The following PRR36 variants were observed in gnomAD, a reference collection of about 807,000 sequenced individuals.
PRR36 encodes the protein proline-rich protein 36.
In PRR36, 30 loss-of-function variants were observed where a neutral mutation model predicts 58.6. That is an observed-to-expected ratio of 0.51 (90% confidence interval 0.38 to 0.69). PRR36 has a LOEUF of 0.69. Ranked by LOEUF, PRR36 falls within the 30% of genes least tolerant of loss-of-function variation. The pLI, the probability that PRR36 is intolerant of heterozygous loss-of-function variation, is 0.00. For synonymous variants in PRR36, 771 were observed against 829.3 expected (o/e 0.93, Z 1.21); for missense variants, 1,692 against 1,805.6 (o/e 0.94, Z 1.14).
In PRR36 at chr19:7,869,993, C is replaced by T; in HGVS notation, c.3251G>A (p.Gly1084Asp). 1 of 1,403,514 alleles carries T rather than the reference C, an allele frequency of 7.1e-7. No individual in the cohort carries two copies. The highest frequency in any genetic ancestry group is 9.2e-7 in the Non-Finnish European group (1 of 1,085,642). The allele number at this position is 1,403,514 out of a possible 1,614,324, so 86.9% of individuals were successfully genotyped here. Reference protein sequence around the residue: ...LQAPRRPPTPGPDTSVSGPRL... With the variant: ...LQAPRRPPTPDPDTSVSGPRL... ...TGGGCCCGAGACGGAGGTATCCGGA[C>T]CCGGGGTCGGGGGGCGGCGTGGGGC... The change falls in exon 5 of 6, where the codon GGT becomes GAT. Residue 1084 changes from glycine to aspartate, a missense_variant. Gly to Asp is a moderately conservative substitution (Grantham distance 94, BLOSUM62 -1). Around this residue, in one of 5 missense-constraint regions of PRR36, gnomAD observed 485 missense variants for 549.2 expected, o/e 0.88. Transcript: ENST00000618550.
chr19:7,869,372 C>G lies in PRR36; in HGVS notation c.3702G>C (p.Ala1234=). 1 of 1,436,022 alleles carries G rather than the reference C, an allele frequency of 7.0e-7. No individual in the cohort carries two copies. Among genetic ancestry groups the G allele is most frequent in the Non-Finnish European group, 9.0e-7 (1 of 1,105,818 alleles). The allele number at this position is 1,436,022 out of a possible 1,614,324, so 89.0% of individuals were successfully genotyped here. A position where few individuals can be genotyped will look rare whatever the true frequency, so the allele number is the denominator to read the frequency against. ...GKAAAGAGAG[A]SSRSPKQARL... Reference sequence around the variant, plus strand: ...GCGCCTGCTTCGGGCTCCGCGAGGACGCCCCGGCCCCGGCCCCAGCCGCCG... The same window carrying G: ...GCGCCTGCTTCGGGCTCCGCGAGGAGGCCCCGGCCCCGGCCCCAGCCGCCG... Residue 1234 remains alanine (A), a synonymous_variant, in exon 6 of 6, where the codon GCG becomes GCC. Coordinates refer to ENST00000618550, the MANE Select transcript of PRR36 (RefSeq NM_001190467.2).
rs1383170564 is a variant in PRR36 at position 7,869,364 on chromosome 19, C to T, written c.3710G>A (p.Arg1237Gln). Residue 1237 changes from arginine to glutamine, a missense_variant, in exon 6 of 6, where the codon CGG (arginine) becomes CAG (glutamine). By Grantham distance (43) the Arg-to-Gln change is conservative (BLOSUM62 1). Around this residue, in one of 5 missense-constraint regions of PRR36, gnomAD observed 485 missense variants for 549.2 expected, o/e 0.88. Transcript: ENST00000618550. The part of the protein sequence containing the change: ...AAGAGAGASS[R>Q]SPKQARLGEL... ...GCCCAGGCGCGCCTGCTTCGGGCTC[C>T]GCGAGGACGCCCCGGCCCCGGCCCC... The T allele has an allele frequency of 1.4e-6, 2 of 1,436,044 alleles. No homozygotes were observed. Among genetic ancestry groups the T allele is most frequent in the African/African-American group, 3.0e-5 (2 of 66,826 alleles). 89.0% of individuals were successfully genotyped at this position (1,436,044 alleles called of 1,614,324 possible).
rs1980539478 is a variant in PRR36, at chr19:7,873,045, G to A, written c.375-84C>T. ...ATTTTCCCATCTGTGAAATGGGCATGTGCCCTCTCTGAGGACCAATAATGG... is the reference window on the plus strand; with the variant it reads ...ATTTTCCCATCTGTGAAATGGGCATATGCCCTCTCTGAGGACCAATAATGG... On this transcript the variant is annotated intron_variant, in intron 3 of 5. Transcript: ENST00000618550. This position sits in a 1 kb window ranked among gnomAD's most constrained non-coding sequence, Gnocchi z 5.0. 3 of 1,358,290 alleles carry A rather than the reference G, an allele frequency of 2.2e-6. No homozygotes were observed. Among genetic ancestry groups the A allele is most frequent in the Non-Finnish European group, 3.0e-6 (3 of 990,626 alleles). 84.1% of individuals were successfully genotyped at this position (1,358,290 alleles called of 1,614,324 possible).
In PRR36 at chr19:7,869,123, G is replaced by A; in HGVS notation, c.3951C>T (p.Ala1317=). ...AGAAGCTGGTGACCGAGGTGATGCT[G>A]GCACGGGACTCGTCCAGGGGAGACA... is the stretch of plus-strand genomic sequence containing the variant. ...ELLSPLDESR[A]SITSVTSFSP... is the part of the protein sequence containing the mutation. Residue 1317 remains alanine (A), a synonymous_variant, in exon 6 of 6, where the codon GCC becomes GCT. Transcript: ENST00000618550. 1 of 1,535,236 alleles carries A rather than the reference G, an allele frequency of 6.5e-7. No individual in the cohort carries two copies. The highest frequency in any genetic ancestry group is 8.7e-7 in the Non-Finnish European group (1 of 1,146,600).
chr19:7,871,271 G>T lies in PRR36; in HGVS notation c.1973C>A (p.Ala658Asp), dbSNP rs749819549. The change falls in exon 5 of 6, where the codon GCC (alanine) becomes GAC (aspartate). Residue 658 changes from alanine to aspartate, a missense_variant. Coordinates refer to ENST00000618550, the MANE Select transcript of PRR36 (RefSeq NM_001190467.2). The part of the protein sequence containing the change: ...STPPDSPPLQ[A>D]PLSLPASPPL... ...GGGTGAGGCAGGAAGGGAAAGAGGG[G>T]CCTGCAGAGGGGGTGAATCAGGGGG... The T allele has an allele frequency of 2.6e-6, 4 of 1,523,738 alleles. No individual in the cohort carries two copies. In the South Asian group the frequency reaches 3.6e-5, roughly 14 times the overall value. The allele number at this position is 1,523,738 out of a possible 1,614,324, so 94.4% of individuals were successfully genotyped here.
In PRR36 at chr19:7,871,762, C is replaced by G. The variant is rs1599589835; in HGVS notation, c.1482G>C (p.Thr494=). Residue 494 remains threonine (T), a synonymous_variant, in exon 5 of 6, where the codon ACG becomes ACC. Coordinates refer to ENST00000618550, the MANE Select transcript of PRR36 (RefSeq NM_001190467.2). ...LPQPGLSALT[T]PPPQASPSPS... is the part of the protein sequence containing the mutation. ...GGGAAGGACTGGCCTGCGGAGGGGG[C>G]GTGGTCAGAGCAGAAAGGCCTGGCT... is the stretch of plus-strand genomic sequence containing the variant. The G allele has an allele frequency of 6.5e-7, 1 of 1,535,238 alleles. No homozygotes were observed. Among genetic ancestry groups the G allele is most frequent in the Non-Finnish European group, 8.7e-7 (1 of 1,146,708 alleles).
In PRR36 at chr19:7,872,350, C is replaced by G. The variant is rs1347942660; in HGVS notation, c.894G>C (p.Pro298=). ...PRKDAAPALG[P]LSSSPLATPS... ...GTGTGGCCAAAGGAGAGGAAGAAAG[C>G]GGTCCTAGTGCTGGGGCTGCGTCCT... Residue 298 remains proline, a synonymous_variant, in exon 5 of 6, where the codon CCG becomes CCC. Transcript: ENST00000618550. The surrounding 1 kb of genome is among the most constrained non-coding windows in gnomAD (Gnocchi z 6.1). 2 of 1,451,564 alleles carry G rather than the reference C, an allele frequency of 1.4e-6. No homozygotes were observed. The highest frequency in any genetic ancestry group is 1.8e-6 in the Non-Finnish European group (2 of 1,108,074). 89.9% of individuals were successfully genotyped at this position (1,451,564 alleles called of 1,614,324 possible).
Position 7,871,443 on chromosome 19 carries a change from C to A in PRR36, c.1801G>T (p.Ala601Ser). Reference sequence around the variant, plus strand: ...GACAAAGCCAGAGGAGAGGGAGGTGCCTGCAGAGACGGTGAGGTCAGAGAA... The same window carrying A: ...GACAAAGCCAGAGGAGAGGGAGGTGACTGCAGAGACGGTGAGGTCAGAGAA... ...PHSLTSPSLQAPPSPLALSSL... is the reference protein window; with the variant it reads ...PHSLTSPSLQSPPSPLALSSL... The change falls in exon 5 of 6, where the codon GCA becomes TCA. Residue 601 changes from alanine (A) to serine (S), a missense_variant. Physicochemically the swap from Ala to Ser is moderately conservative, Grantham distance 99 (BLOSUM62 1). Around this residue, in one of 5 missense-constraint regions of PRR36, gnomAD observed 975 missense variants for 955.2 expected, o/e 1.02. Coordinates refer to ENST00000618550, the MANE Select transcript of PRR36 (RefSeq NM_001190467.2). The A allele has an allele frequency of 2.0e-6, 3 of 1,535,158 alleles. No individual in the cohort carries two copies. Among genetic ancestry groups the A allele is most frequent in the Non-Finnish European group, 2.6e-6 (3 of 1,146,688 alleles).
chr19:7,873,760 A>G lies in PRR36; in HGVS notation c.-7-64T>C. The G allele has an allele frequency of 6.9e-7, 1 of 1,441,574 alleles. No individual in the cohort carries two copies. The highest frequency in any genetic ancestry group is 9.2e-7 in the Non-Finnish European group (1 of 1,081,512). 89.3% of individuals were successfully genotyped at this position (1,441,574 alleles called of 1,614,324 possible). On this transcript the variant is annotated intron_variant, in intron 1 of 5. Coordinates refer to ENST00000618550, the MANE Select transcript of PRR36 (RefSeq NM_001190467.2). The surrounding 1 kb of genome is among the most constrained non-coding windows in gnomAD (Gnocchi z 5.0). ...AGCTACGCCGCCTCCAGAGACCTGG[A>G]CCCTGCTACCTCACTGCCCTTTCGC...
Position 7,873,281 on chromosome 19 carries a change from G to A in PRR36, c.290C>T (p.Ser97Phe). 1 of 1,535,550 alleles carries A rather than the reference G, an allele frequency of 6.5e-7. No individual in the cohort carries two copies. Among genetic ancestry groups the A allele is most frequent in the Non-Finnish European group, 8.7e-7 (1 of 1,146,664 alleles). Residue 97 changes from serine (S) to phenylalanine (F), a missense_variant, in exon 3 of 6, where the codon TCT (serine) becomes TTT (phenylalanine). Coordinates refer to ENST00000618550, the MANE Select transcript of PRR36 (RefSeq NM_001190467.2). The surrounding 1 kb of genome is among the most constrained non-coding windows in gnomAD (Gnocchi z 5.0). The part of the protein sequence containing the change: ...SRNPASRPPA[S>F]GRGERAPPAK... The stretch of plus-strand genomic sequence containing the variant: ...AGGAGGAGCTCTCTCCCCTCTCCCA[G>A]AGGCTGGGGGCCTGGAGGCTGCGGG...
rs951112151 is a variant in PRR36 at position 7,871,141 on chromosome 19, T to G, written c.2103A>C (p.Ala701=). The change falls in exon 5 of 6, where the codon GCA becomes GCC. Residue 701 remains alanine (A), a synonymous_variant. Transcript: ENST00000618550. ...GGGGCATGATCAGGGAAGAGAGAGG[T>G]GCCTGAGGAGAGTGGGAGGCCAGAG... The part of the protein sequence containing the change: ...LSSLASHSPQ[A]PLSSLIMPPL... 4.6e-6 allele frequency: 7 copies of G among 1,530,984 alleles called. No homozygotes were observed. The highest frequency in any genetic ancestry group is 4.0e-5 in the Admixed American group (2 of 50,496). 94.8% of individuals were successfully genotyped at this position (1,530,984 alleles called of 1,614,324 possible).
rs62125153 is a variant in PRR36 at position 7,873,337 on chromosome 19, G to A, written c.272-38C>T. On this transcript the variant is annotated intron_variant, in intron 2 of 5. Coordinates refer to ENST00000618550, the MANE Select transcript of PRR36 (RefSeq NM_001190467.2). The surrounding 1 kb of genome is among the most constrained non-coding windows in gnomAD (Gnocchi z 5.0). ...GGCCGAGTCACAGGTGCCCCGGAGAGGTGGCAGTGGAGGTGAGACTGGACA... is the reference window on the plus strand; with the variant it reads ...GGCCGAGTCACAGGTGCCCCGGAGAAGTGGCAGTGGAGGTGAGACTGGACA... The A allele has an allele frequency of 0.19, 290,038 of 1,520,944 alleles. 30,323 individuals carry two copies. The highest frequency in any genetic ancestry group is 0.21 in the Non-Finnish European group (241,774 of 1,137,674). 94.2% of individuals were successfully genotyped at this position (1,520,944 alleles called of 1,614,324 possible). A position where few individuals can be genotyped will look rare whatever the true frequency, so the allele number is the denominator to read the frequency against.
chr19:7,872,783 T>G lies in PRR36; in HGVS notation c.488-27A>C. On this transcript the variant is annotated intron_variant, in intron 4 of 5. Transcript: ENST00000618550. This position sits in a 1 kb window ranked among gnomAD's most constrained non-coding sequence, Gnocchi z 6.1. ...TGGAGAAAAAGTAGAAGGCCAAGGG[T>G]CACCGATACCTCTGAGGCGGCTCCC... 6.6e-7 allele frequency: 1 copy of G among 1,509,956 alleles called. No individual in the cohort carries two copies. The highest frequency in any genetic ancestry group is 8.8e-7 in the Non-Finnish European group (1 of 1,134,002). 93.5% of individuals were successfully genotyped at this position (1,509,956 alleles called of 1,614,324 possible).
chr19:7,871,235 G>T lies in PRR36; in HGVS notation c.2009C>A (p.Thr670Asn). ...GGGTGAGACAGCAGGAGAGAGAGAA[G>T]TCTGCAGAGGGGGTGAGGCAGGAAG... ...LSLPASPPLQTSLSPAVSPLS... is the reference protein window; with the variant it reads ...LSLPASPPLQNSLSPAVSPLS... The change falls in exon 5 of 6, where the codon ACT (threonine) becomes AAT (asparagine). Residue 670 changes from threonine (T) to asparagine (N), a missense_variant. By Grantham distance (65) the Thr-to-Asn change is moderately conservative (BLOSUM62 0). Coordinates refer to ENST00000618550, the MANE Select transcript of PRR36 (RefSeq NM_001190467.2). 1 of 1,532,724 alleles carries T rather than the reference G, an allele frequency of 6.5e-7. No individual in the cohort carries two copies. The highest frequency in any genetic ancestry group is 8.7e-7 in the Non-Finnish European group (1 of 1,145,696). 94.9% of individuals were successfully genotyped at this position (1,532,724 alleles called of 1,614,324 possible). A position where few individuals can be genotyped will look rare whatever the true frequency, so the allele number is the denominator to read the frequency against.
rs1375996472 is a variant in PRR36 at position 7,872,931 on chromosome 19, C to G, written c.405G>C (p.Arg135=). 2 of 1,535,968 alleles carry G rather than the reference C, an allele frequency of 1.3e-6. No individual in the cohort carries two copies. The highest frequency in any genetic ancestry group is 4.9e-5 in the East Asian group (2 of 40,928). ...TGGCCACAGTTTCCTCCGCTGAGAT[C>G]CGGAGTCCCTTCTGGCCAAGAGGGC... ...RPGPLGQKGL[R]ISAEETVARG... Residue 135 remains arginine (R), a synonymous_variant, in exon 4 of 6, where the codon CGG becomes CGC. Transcript: ENST00000618550. The surrounding 1 kb of genome is among the most constrained non-coding windows in gnomAD (Gnocchi z 6.1).
Position 7,872,383 on chromosome 19 carries a change from G to C in PRR36, c.861C>G (p.Pro287=). Residue 287 remains proline, a synonymous_variant, in exon 5 of 6, where the codon CCC becomes CCG. Coordinates refer to ENST00000618550, the MANE Select transcript of PRR36 (RefSeq NM_001190467.2). This position sits in a 1 kb window ranked among gnomAD's most constrained non-coding sequence, Gnocchi z 6.1. The part of the protein sequence containing the change: ...LQALRPPQVT[P]PRKDAAPALG... The stretch of plus-strand genomic sequence containing the variant: ...GTGCTGGGGCTGCGTCCTTCCTTGG[G>C]GGTGTGACCTGAGGGGGTCGCAGAG... 1 of 1,450,404 alleles carries C rather than the reference G, an allele frequency of 6.9e-7. No individual in the cohort carries two copies. The highest frequency in any genetic ancestry group is 1.8e-4 in the Middle Eastern group (1 of 5,570). 89.8% of individuals were successfully genotyped at this position (1,450,404 alleles called of 1,614,324 possible). A position where few individuals can be genotyped will look rare whatever the true frequency, so the allele number is the denominator to read the frequency against.
In PRR36 at chr19:7,869,437, G is replaced by C. The variant is rs1364970914; in HGVS notation, c.3637C>G (p.Leu1213Val). 2.0e-6 allele frequency: 3 copies of C among 1,501,230 alleles called. No homozygotes were observed. In the Admixed American group the frequency reaches 6.3e-5, roughly 32 times the overall value. 93.0% of individuals were successfully genotyped at this position (1,501,230 alleles called of 1,614,324 possible). A position where few individuals can be genotyped will look rare whatever the true frequency, so the allele number is the denominator to read the frequency against. ...PESATPAPGA[L>V]DPGPSPGTSG... Reference sequence around the variant, plus strand: ...GTGCCGGGACTGGGCCCCGGATCCAGTGCGCCAGGGGCGGGGGTCGCCGAC... The same window carrying C: ...GTGCCGGGACTGGGCCCCGGATCCACTGCGCCAGGGGCGGGGGTCGCCGAC... Residue 1213 changes from leucine (L) to valine (V), a missense_variant, in exon 6 of 6, where the codon CTG (leucine) becomes GTG (valine). Leu to Val is a conservative substitution (Grantham distance 32). Around this residue, in one of 5 missense-constraint regions of PRR36, gnomAD observed 485 missense variants for 549.2 expected, o/e 0.88. Transcript: ENST00000618550.
At chr19:7,869,658 G>A in intron 5 of PRR36, 57 bp downstream of exon 5, 6 of 1,390,712 alleles carry the variant, frequency 4.3e-6, no homozygotes, top group Non-Finnish European at 5.6e-6. Flanking sequence ...CCCCTGAGCT[G>A]CGAAGCCTCG....
In PRR36 at chr19:7,871,102, T is replaced by C. The variant is rs1473668896; in HGVS notation, c.2142A>G (p.Gln714=). The C allele has an allele frequency of 6.5e-6, 10 of 1,529,864 alleles. No homozygotes were observed. Among genetic ancestry groups the C allele is most frequent in the East Asian group, 4.9e-5 (2 of 40,704 alleles). 94.8% of individuals were successfully genotyped at this position (1,529,864 alleles called of 1,614,324 possible). A position where few individuals can be genotyped will look rare whatever the true frequency, so the allele number is the denominator to read the frequency against. The change falls in exon 5 of 6, where the codon CAA becomes CAG. Residue 714 remains glutamine (Q), a synonymous_variant. Coordinates refer to ENST00000618550, the MANE Select transcript of PRR36 (RefSeq NM_001190467.2). ...GCAGAGAGGGTGGGGCTAGGGAAGA[T>C]TGGGTCTCCAGAGGGGGCATGATCA... is the stretch of plus-strand genomic sequence containing the variant. ...SSLIMPPLET[Q]SSLAPPSLQT...
Sources: allele counts gnomAD v4.1 joint callset, GRCh38; gene constraint gnomAD v4.1.1; regional missense constraint gnomAD v4.1.1; non-coding constraint Gnocchi (gnomAD v3.1); transcripts MANE v1.5; gene names NCBI Gene and HGNC (gene_info 2026-07-23, HGNC 2026-07-21).